ZNF420: variants seen among roughly 807,000 people sequenced by gnomAD.
ZNF420 encodes the protein ATM and p53-associated KZNF protein.
ZNF420 carries 31 observed loss-of-function variants against 44.7 expected under a neutral mutation model. That is an observed-to-expected ratio of 0.69 (90% confidence interval 0.52 to 0.94). The LOEUF is 0.94. Ranked by LOEUF, ZNF420 falls within the 40% of genes least tolerant of loss-of-function variation. The pLI, the probability that ZNF420 is intolerant of heterozygous loss-of-function variation, is 0.00. For missense variants in ZNF420, 681 were observed against 827.9 expected (o/e 0.82, Z 2.18); for synonymous variants, 245 against 267.4 (o/e 0.92, Z 0.82).
At chr19:37,065,456 T>C (rs1411143640) in intron 1 of ZNF420, among the ~76,000 whole-genome samples, 2 of 152,230 alleles carry the variant, frequency 1.3e-5, no homozygotes, top group African/African-American at 4.8e-5. Context: ...TTGAAGGACT[T>C]GACCCTCTAT....
chr19:37,058,850 T>C (rs1157283864), intron 1 of ZNF420, among the ~76,000 whole-genome samples: 3 of 152,174 alleles, frequency 2.0e-5, no homozygotes, highest in Admixed American at 2.0e-4. Context: ...TATCCCTGTT[T>C]CCACGTCTCC....
intron 1 of ZNF420, among the ~76,000 whole-genome samples, chr19:37,038,265 A>G (rs550574740): frequency 1.4e-4 from 21 of 152,244 alleles, no homozygotes; most frequent in Non-Finnish European, 2.2e-4. Context: ...CTGGTCCTTC[A>G]TCAAGTCGTA....
chr19:37,097,152 C>T (rs779250239), intron 4 of ZNF420, among the ~76,000 whole-genome samples: 94 of 152,224 alleles, frequency 6.2e-4, no homozygotes, highest in Non-Finnish European at 1.1e-3. Flanking sequence ...CTGCCTCGGC[C>T]TCCCAAAGTG....
At chr19:37,105,674 A>C (rs903476055) in intron 4 of ZNF420, among the ~76,000 whole-genome samples, 2 of 152,120 alleles carry the variant, frequency 1.3e-5, no homozygotes, top group Non-Finnish European at 2.9e-5. Context: ...TGAGCATGGA[A>C]TGTTCTTCCA....
rs536685005 is a variant in ZNF420 at position 37,129,010 on chromosome 19, T to C, written c.2019T>C (p.Tyr673=). The change falls in exon 5 of 5, where the codon TAT becomes TAC. Residue 673 remains tyrosine (Y), a synonymous_variant. Coordinates refer to ENST00000337995, the MANE Select transcript of ZNF420 (RefSeq NM_144689.5). ...ATATCAGTGAGAAATCTTTTGAATA[T>C]AAGGAATGTGGGATTGACTTTAGTC... ...RIHISEKSFE[Y]KECGIDFSHG... 9 of 1,613,838 alleles carry C rather than the reference T, an allele frequency of 5.6e-6. No individual in the cohort carries two copies. In the South Asian group the frequency reaches 7.7e-5, roughly 14 times the overall value.
At chr19:37,022,853 T>C (rs529369256) in intron 1 of ZNF420, among the ~76,000 whole-genome samples, 1 of 152,242 alleles carries the variant, frequency 6.6e-6, no homozygotes, top group Admixed American at 6.5e-5. Flanking sequence ...ATATGTAGCA[T>C]GGGGGCAGGC....
At chr19:37,038,563 T>C (rs1473826456) in intron 1 of ZNF420, among the ~76,000 whole-genome samples, 1 of 152,232 alleles carries the variant, frequency 6.6e-6, no homozygotes, top group Non-Finnish European at 1.5e-5. Flanking sequence ...TGTTGTTCTT[T>C]CAACAATGTT....
chr19:37,019,886 A>C (rs2074634191), intron 1 of ZNF420, among the ~76,000 whole-genome samples: 2 of 152,178 alleles, frequency 1.3e-5, no homozygotes, highest in African/African-American at 4.8e-5. Context: ...CACGTGACAG[A>C]GCAGGAGCAT....
At chr19:37,016,676 C>T (rs1362589389) in intron 1 of ZNF420, among the ~76,000 whole-genome samples, 1 of 152,182 alleles carries the variant, frequency 6.6e-6, no homozygotes. Flanking sequence ...TCCTCGTTCC[C>T]GTTGCTACTG....
intron 1 of ZNF420, among the ~76,000 whole-genome samples, chr19:37,063,337 G>T (rs1487681174): frequency 6.6e-6 from 1 of 152,172 alleles, no homozygotes; most frequent in Non-Finnish European, 1.5e-5. Flanking sequence ...CTGTTTTTCT[G>T]TGGCTAGTGA....
chr19:37,026,130 A>G (rs980932624), intron 1 of ZNF420, among the ~76,000 whole-genome samples: 1 of 151,352 alleles, frequency 6.6e-6, no homozygotes, highest in African/African-American at 2.4e-5. Context: ...CCTGATCAAC[A>G]TGGAGAAACC....
At chr19:37,111,098 A>T (rs1020305969) in intron 4 of ZNF420, among the ~76,000 whole-genome samples, 1 of 152,218 alleles carries the variant, frequency 6.6e-6, no homozygotes, top group African/African-American at 2.4e-5. Context: ...TAAAAGTCTT[A>T]ATTGTACTGT....
At chr19:37,044,425 C>T (rs1967510274) in intron 1 of ZNF420, among the ~76,000 whole-genome samples, 1 of 152,142 alleles carries the variant, frequency 6.6e-6, no homozygotes, top group Admixed American at 6.5e-5. Flanking sequence ...AATCTGAGAG[C>T]TGGAAGGACC....
intron 1 of ZNF420, among the ~76,000 whole-genome samples, chr19:37,022,414 C>A (rs1043730720): frequency 6.6e-6 from 1 of 152,070 alleles, no homozygotes; most frequent in African/African-American, 2.4e-5. Context: ...ATCTGAATTT[C>A]ATTCCAGGAT....
chr19:37,119,649 C>CA (rs552824508), intron 4 of ZNF420, among the ~76,000 whole-genome samples: 72 of 149,346 alleles, frequency 4.8e-4, no homozygotes, highest in African/African-American at 1.0e-3. Context: ...AATAGAGACA[C>CA]AAAAAAAAAC....
chr19:37,010,552 C>T (rs888615006), intron 1 of ZNF420, among the ~76,000 whole-genome samples: 2 of 146,012 alleles, frequency 1.4e-5, no homozygotes, highest in African/African-American at 2.6e-5. Flanking sequence ...CACTCTGTTT[C>T]TCTCTCTCTG....
chr19:37,059,331 T>C (rs1967824364), intron 1 of ZNF420, among the ~76,000 whole-genome samples: 1 of 152,224 alleles, frequency 6.6e-6, no homozygotes, highest in Admixed American at 6.5e-5. Flanking sequence ...GGCCGCAGCC[T>C]GACTTCTAGG....
intron 1 of ZNF420, among the ~76,000 whole-genome samples, chr19:37,008,589 CGA>C (rs1408634206): frequency 6.6e-6 from 1 of 152,158 alleles, no homozygotes; most frequent in Non-Finnish European, 1.5e-5. Context: ...TTTAAGTCCG[CGA>C]GACTCTTCTC....
chr19:37,108,811 CTGAG>C lies in ZNF420; in HGVS notation c.136+17692_136+17695del, dbSNP rs1206962356. 5.9e-5 allele frequency among the ~76,000 whole-genome samples: 9 copies of C among 152,160 alleles called. 1 individual carries two copies. The highest frequency in any genetic ancestry group is 2.6e-4 in the Admixed American group (4 of 15,276). On this transcript the variant is annotated intron_variant, in intron 4 of 4. Coordinates refer to ENST00000337995, the MANE Select transcript of ZNF420 (RefSeq NM_144689.5). The stretch of plus-strand genomic sequence containing the variant: ...GACTCACTTGTGCACTGGGACATGA[CTGAG>C]TTTGTCCTGTGCAATTGTGGTAGAA...
Sources: gnomAD v4.1 joint callset for allele counts (sites outside exome capture counted in the v4.1 genomes callset) on GRCh38, gnomAD v4.1.1 for gene constraint, MANE v1.5 for transcripts, NCBI Gene and HGNC (gene_info 2026-07-23, HGNC 2026-07-21) for gene names.